CNTNAP4: variants seen among roughly 807,000 people sequenced by gnomAD.
CNTNAP4 encodes the protein contactin associated protein family member 4.
A neutral mutation model predicts 148.4 loss-of-function variants in CNTNAP4; 98 were observed. The observed-to-expected ratio is 0.66, with a 90% CI of 0.56 to 0.78. The LOEUF is 0.78. CNTNAP4 is among the 30% of genes least tolerant of loss of function. The pLI is 0.00. For missense variants in CNTNAP4, 1,935 were observed against 1,565.6 expected (o/e 1.24, Z -3.98); for synonymous variants, 730 against 565.1 (o/e 1.29, Z -4.14).
chr16:76,357,058 A>AACACACACACAC (rs58020066), intron 3 of CNTNAP4, among the ~76,000 whole-genome samples: 2 of 148,050 alleles, frequency 1.4e-5, no homozygotes, highest in Admixed American at 1.3e-4. Flanking sequence ...AACAAAACAA[A>AACACACACACAC]ACACACACAC....
intron 10 of CNTNAP4, among the ~76,000 whole-genome samples, chr16:76,474,722 A>C (rs2081501883): frequency 6.6e-6 from 1 of 152,146 alleles, no homozygotes; most frequent in African/African-American, 2.4e-5. Flanking sequence ...GTCAATAACA[A>C]AACTTTCCAA....
At chr16:76,454,081 G>A (rs1390938881) in intron 8 of CNTNAP4, among the ~76,000 whole-genome samples, 7 of 151,280 alleles carry the variant, frequency 4.6e-5, no homozygotes, top group Non-Finnish European at 7.4e-5. Flanking sequence ...CGTTACTTTG[G>A]GGAGCTCCAT....
chr16:76,357,726 T>C (rs2012870705), intron 3 of CNTNAP4, among the ~76,000 whole-genome samples: 1 of 152,226 alleles, frequency 6.6e-6, no homozygotes, highest in South Asian at 2.1e-4. Flanking sequence ...AGAATACTCT[T>C]CTGATCACTC....
intron 4 of CNTNAP4, among the ~76,000 whole-genome samples, chr16:76,439,655 T>C (rs2079962324): frequency 6.6e-6 from 1 of 152,136 alleles, no homozygotes; most frequent in Non-Finnish European, 1.5e-5. Context: ...TCATGTTTTT[T>C]CCCATAACCT....
At chr16:76,426,052 G>T (rs888227494) in intron 3 of CNTNAP4, among the ~76,000 whole-genome samples, 1 of 152,040 alleles carries the variant, frequency 6.6e-6, no homozygotes, top group Non-Finnish European at 1.5e-5. Flanking sequence ...GAGATGCCCC[G>T]ATTTTGGATA....
chr16:76,365,082 T>C (rs1434551725), intron 3 of CNTNAP4, among the ~76,000 whole-genome samples: 2 of 152,218 alleles, frequency 1.3e-5, no homozygotes, highest in East Asian at 3.9e-4. Context: ...CAGTTTCAGC[T>C]TTCTGCATAC....
At chr16:76,425,234 G>A (rs901677937) in intron 3 of CNTNAP4, among the ~76,000 whole-genome samples, 8 of 152,122 alleles carry the variant, frequency 5.3e-5, no homozygotes, top group Admixed American at 3.3e-4. Flanking sequence ...GCAGTTTTCT[G>A]GCCTTATATG....
intron 3 of CNTNAP4, among the ~76,000 whole-genome samples, chr16:76,359,412 G>T (rs1270747812): frequency 6.6e-6 from 1 of 151,890 alleles, no homozygotes; most frequent in Non-Finnish European, 1.5e-5. Flanking sequence ...GGATTGAAAT[G>T]CTGCAGGGAA....
At chr16:76,384,032 G>GT (rs1260290981) in intron 3 of CNTNAP4, among the ~76,000 whole-genome samples, 2 of 151,692 alleles carry the variant, frequency 1.3e-5, no homozygotes, top group Non-Finnish European at 2.9e-5. Flanking sequence ...TGTTTGTTTT[G>GT]TTTTTTGTTA....
chr16:76,286,174 AGT>A (rs57003243), intron 1 of CNTNAP4, among the ~76,000 whole-genome samples: 38,026 of 134,464 alleles, frequency 0.28, 5,051 homozygotes, highest in African/African-American at 0.34. Flanking sequence ...TAGAATTATC[AGT>A]GTGTGTGTGT....
At position 76,525,525 on chromosome 16, in the gene CNTNAP4, A is replaced by G. The variant is rs1243827186; in HGVS notation, c.2755+3268A>G. Among the ~76,000 whole-genome samples the G allele has an allele frequency of 2.7e-5, 4 of 147,682 alleles. No homozygotes were observed. In the Admixed American group the frequency reaches 2.7e-4, roughly 10 times the overall value. ...TTTTATAGTTTATAGTTACATAGTTATATATTTCAGTGGAAGAGACAAGAG... is the reference window on the plus strand; with the variant it reads ...TTTTATAGTTTATAGTTACATAGTTGTATATTTCAGTGGAAGAGACAAGAG... On this transcript the variant is annotated intron_variant, in intron 17 of 23. Coordinates refer to ENST00000611870, the MANE Select transcript of CNTNAP4 (RefSeq NM_033401.5).
At chr16:76,488,089 G>C (rs1284531484) in intron 12 of CNTNAP4, among the ~76,000 whole-genome samples, 1 of 152,156 alleles carries the variant, frequency 6.6e-6, no homozygotes, top group Non-Finnish European at 1.5e-5. Flanking sequence ...TGTCAGGTTT[G>C]TCTAGTTAAT....
chr16:76,324,079 G>A (rs1475718311), intron 2 of CNTNAP4, among the ~76,000 whole-genome samples: 1 of 152,152 alleles, frequency 6.6e-6, no homozygotes, highest in Admixed American at 6.5e-5. Flanking sequence ...GAAATTGGTA[G>A]TCCCTCAATA....
intron 2 of CNTNAP4, among the ~76,000 whole-genome samples, chr16:76,333,220 T>G (rs1248711623): frequency 6.6e-6 from 1 of 152,158 alleles, no homozygotes; most frequent in Non-Finnish European, 1.5e-5. Flanking sequence ...GTAGGCCCCA[T>G]GAGATGTTTG....
chr16:76,286,956 A>C lies in CNTNAP4; in HGVS notation c.85+9209A>C, dbSNP rs576587255. Among the ~76,000 whole-genome samples, 3 of 152,320 alleles carry C rather than the reference A, an allele frequency of 2.0e-5. No homozygotes were observed. The South Asian group carries it at 6.2e-4, about 32-fold the overall frequency. ...CTATGCAAGGTTGTAAAGCTGCTCA[A>C]TTAGGCTCTTTTGTTTCATAGTGTG... On this transcript the variant is annotated intron_variant, in intron 1 of 23. Coordinates refer to ENST00000611870, the MANE Select transcript of CNTNAP4 (RefSeq NM_033401.5).
At chr16:76,465,607 C>G (rs1431422124) in intron 9 of CNTNAP4, among the ~76,000 whole-genome samples, 1 of 152,122 alleles carries the variant, frequency 6.6e-6, no homozygotes, top group Non-Finnish European at 1.5e-5. Flanking sequence ...ATAGTTGCTT[C>G]AAAATATTAT....
At position 76,535,709 on chromosome 16, in the gene CNTNAP4, A is replaced by T; in HGVS notation, c.2920A>T (p.Lys974Ter). The T allele has an allele frequency of 6.2e-7, 1 of 1,613,974 alleles. No homozygotes were observed. The highest frequency in any genetic ancestry group is 8.5e-7 in the Non-Finnish European group (1 of 1,179,880). The change falls in exon 18 of 24, where the codon AAA becomes TAA. Residue 974 changes from lysine (K) to a stop codon, truncating the protein, a stop_gained. Coordinates refer to ENST00000611870, the MANE Select transcript of CNTNAP4 (RefSeq NM_033401.5). LOFTEE classifies it high-confidence loss of function. ...TGGGAAGTTATGCCGCAATGGAGGG[A>T]AATGCAGAGAAAGACCCATTGGGTT... ...SYGKLCRNGG[K>*]CRERPIGFFC...
chr16:76,511,844 A>AGAGAGG (rs1408020196), intron 15 of CNTNAP4, among the ~76,000 whole-genome samples: 1 of 151,114 alleles, frequency 6.6e-6, no homozygotes, highest in African/African-American at 2.4e-5. Context: ...TCTTGGAGAG[A>AGAGAGG]GAGAGAGAGA....
chr16:76,521,327 AGAGAAGTGTAT>A lies in CNTNAP4; in HGVS notation c.2536+22_2536+32del. On this transcript the variant is annotated intron_variant, in intron 16 of 23. Transcript: ENST00000611870. ...AGCTTCGCTGTAAGTCTCCTTTTCC[AGAGAAGTGTAT>A]GAGATTCTATCATTTAGTAGTAAAT... The A allele has an allele frequency of 6.3e-7, 1 of 1,587,606 alleles. No individual in the cohort carries two copies. Among genetic ancestry groups the A allele is most frequent in the Non-Finnish European group, 8.6e-7 (1 of 1,168,666 alleles).
Sources: gnomAD v4.1 joint callset for allele counts (sites outside exome capture counted in the v4.1 genomes callset) on GRCh38, gnomAD v4.1.1 for gene constraint, MANE v1.5 for transcripts, NCBI Gene and HGNC (gene_info 2026-07-23, HGNC 2026-07-21) for gene names.